The following MYBL1 variants were observed in gnomAD, a reference collection of about 807,000 sequenced individuals.
MYBL1 encodes the protein myb-related protein A.
MYBL1 carries 17 observed loss-of-function variants against 96.3 expected under a neutral mutation model. The observed-to-expected ratio is 0.18, with a 90% CI of 0.12 to 0.26. The LOEUF is 0.26. Among genes scored for constraint, MYBL1 ranks in the 10% least tolerant of loss-of-function variants. MYBL1 has a pLI of 1.00. For missense variants in MYBL1, 701 were observed against 882.9 expected (o/e 0.79, Z 2.61); for synonymous variants, 282 against 292.7 (o/e 0.96, Z 0.37).
At chr8:66,589,121 T>C (rs1437953369) in intron 8 of MYBL1, among the ~76,000 whole-genome samples, 2 of 152,240 alleles carry the variant, frequency 1.3e-5, no homozygotes, top group Non-Finnish European at 1.5e-5. Context: ...CAACCAAATC[T>C]TTATGAGAAC....
intron 14 of MYBL1, 61 bp downstream of exon 14, chr8:66,566,623 A>T (rs1003809302): frequency 6.3e-6 from 7 of 1,106,736 alleles, no homozygotes; most frequent in Non-Finnish European, 7.7e-6. Context: ...AGTAAGAAAT[A>T]AGAACCTCTA....
At chr8:66,569,428 C>T (rs980693180) in intron 12 of MYBL1, among the ~76,000 whole-genome samples, 4 of 151,500 alleles carry the variant, frequency 2.6e-5, no homozygotes, top group African/African-American at 9.7e-5. Context: ...CAGCTCACTG[C>T]AACCTCTACC....
At chr8:66,612,577 G>A in intron 1 of MYBL1, 1 of 406,910 alleles carries the variant, frequency 2.5e-6, no homozygotes, top group Admixed American at 4.4e-5. Flanking sequence ...GCGCATTACG[G>A]GGAGAGTCAC....
At chr8:66,580,925 C>A (rs1809184251) in intron 8 of MYBL1, among the ~76,000 whole-genome samples, 1 of 150,190 alleles carries the variant, frequency 6.7e-6, no homozygotes, top group South Asian at 2.1e-4. Flanking sequence ...CAGCGGTGCT[C>A]TCTCGGCTCA....
chr8:66,611,597 T>C (rs746576570), intron 1 of MYBL1, among the ~76,000 whole-genome samples: 1 of 152,366 alleles, frequency 6.6e-6, no homozygotes, highest in African/African-American at 2.4e-5. Context: ...TGGTCCAAGA[T>C]GTCAATAGTG....
chr8:66,606,568 C>T (rs1298722175), intron 1 of MYBL1, among the ~76,000 whole-genome samples: 1 of 152,184 alleles, frequency 6.6e-6, no homozygotes, highest in East Asian at 1.9e-4. Flanking sequence ...TTAATATATA[C>T]TGTCTATAGA....
intron 12 of MYBL1, among the ~76,000 whole-genome samples, chr8:66,570,250 T>C (rs1808673335): frequency 6.6e-6 from 1 of 152,090 alleles, no homozygotes; most frequent in South Asian, 2.1e-4. Flanking sequence ...AGAAGGCTAG[T>C]AAACAAATGG....
At chr8:66,609,401 C>T (rs1008050445) in intron 1 of MYBL1, among the ~76,000 whole-genome samples, 1 of 151,818 alleles carries the variant, frequency 6.6e-6, no homozygotes, top group Non-Finnish European at 1.5e-5. Context: ...CACAAATTAA[C>T]TCAAGTCCGA....
intron 1 of MYBL1, among the ~76,000 whole-genome samples, chr8:66,611,821 C>T (rs1330851614): frequency 2.0e-5 from 3 of 152,164 alleles, no homozygotes; most frequent in African/African-American, 7.2e-5. Flanking sequence ...CAATGAATGA[C>T]CCCCATTACT....
intron 10 of MYBL1, among the ~76,000 whole-genome samples, chr8:66,574,986 G>A (rs1444405588): frequency 6.6e-6 from 1 of 152,150 alleles, no homozygotes. Flanking sequence ...CCCGGGAGGC[G>A]GAGGTTGCGG....
At chr8:66,585,438 C>G (rs1418399038) in intron 8 of MYBL1, among the ~76,000 whole-genome samples, 1 of 152,114 alleles carries the variant, frequency 6.6e-6, no homozygotes, top group Non-Finnish European at 1.5e-5. Flanking sequence ...AAATATAAAA[C>G]TACTAGAAGA....
chr8:66,586,092 C>A (rs1809410445), intron 8 of MYBL1, among the ~76,000 whole-genome samples: 1 of 139,646 alleles, frequency 7.2e-6, no homozygotes, highest in Admixed American at 7.5e-5. Context: ...GTTGCCCAGG[C>A]TACACTGCAA....
chr8:66,576,775 T>C (rs1273477446), intron 9 of MYBL1, among the ~76,000 whole-genome samples: 4 of 152,182 alleles, frequency 2.6e-5, no homozygotes, highest in South Asian at 4.1e-4. Context: ...GTGATATACT[T>C]TGATCCAGAA....
chr8:66,595,593 A>G lies in MYBL1; in HGVS notation c.677T>C (p.Ile226Thr), dbSNP rs756547354. 7 of 1,569,300 alleles carry G rather than the reference A, an allele frequency of 4.5e-6. No individual in the cohort carries two copies. In the South Asian group the frequency reaches 8.4e-5, roughly 19 times the overall value. ...DHMQTQNQFY[I>T]PVQIPGYQYV... ...ATTAAAAGTATGTGCCTGAACAGGTATGTAAAACTGATTCTGGGTTTGCAT... is the reference window on the plus strand; with the variant it reads ...ATTAAAAGTATGTGCCTGAACAGGTGTGTAAAACTGATTCTGGGTTTGCAT... The change falls in exon 6 of 16, where the codon ATA (isoleucine) becomes ACA (threonine). Residue 226 changes from isoleucine (I) to threonine (T), a missense_variant. Ile to Thr is a moderately conservative substitution (Grantham distance 89). Coordinates refer to ENST00000522677, the MANE Select transcript of MYBL1 (RefSeq NM_001080416.4).
chr8:66,588,410 G>A (rs1809506155), intron 8 of MYBL1, among the ~76,000 whole-genome samples: 2 of 151,354 alleles, frequency 1.3e-5, no homozygotes, highest in Admixed American at 1.3e-4. Context: ...TTCCCAAGTA[G>A]CTGGGACTAC....
chr8:66,574,446 A>G (rs1391425827), intron 10 of MYBL1, among the ~76,000 whole-genome samples: 2 of 152,180 alleles, frequency 1.3e-5, no homozygotes, highest in Non-Finnish European at 2.9e-5. Context: ...GAGTGAACAG[A>G]CTATTCACAT....
At chr8:66,610,409 T>G (rs987576302) in intron 1 of MYBL1, among the ~76,000 whole-genome samples, 24 of 145,786 alleles carry the variant, frequency 1.6e-4, no homozygotes, top group African/African-American at 5.0e-4. Context: ...TTTTTTTGGG[T>G]TTTTTTTTTT....
rs1015105937 is a variant in MYBL1 at position 66,604,235 on chromosome 8, A to T, written c.21-1712T>A. On this transcript the variant is annotated intron_variant, in intron 1 of 15. Coordinates refer to ENST00000522677, the MANE Select transcript of MYBL1 (RefSeq NM_001080416.4). The stretch of plus-strand genomic sequence containing the variant: ...TTAAGACACTGGGTAGCCATTTTTT[A>T]AAATTAAGATGGGCTGGGCGTGGAC... Among the ~76,000 whole-genome samples, 4 of 152,152 alleles carry T rather than the reference A, an allele frequency of 2.6e-5. No homozygotes were observed. In the East Asian group the frequency reaches 7.7e-4, roughly 29 times the overall value.
At chr8:66,601,015 A>G (rs1810046344) in intron 3 of MYBL1, among the ~76,000 whole-genome samples, 1 of 151,774 alleles carries the variant, frequency 6.6e-6, no homozygotes, top group African/African-American at 2.4e-5. Flanking sequence ...TACTAAAAAA[A>G]AAATACAAAA....
Sources: gnomAD v4.1 joint callset for allele counts (sites outside exome capture counted in the v4.1 genomes callset) on GRCh38, gnomAD v4.1.1 for gene constraint, MANE v1.5 for transcripts, NCBI Gene and HGNC (gene_info 2026-07-23, HGNC 2026-07-21) for gene names.